Variants in CELF2 observed in about 807,000 individuals in gnomAD.
CELF2 encodes the protein CUG triplet repeat RNA-binding protein 2.
CELF2 carries 8 observed loss-of-function variants against 62.6 expected under a neutral mutation model. That is an observed-to-expected ratio of 0.13 (90% CI 0.07 to 0.23). The LOEUF (loss-of-function observed/expected upper bound fraction) is 0.23. Ranked by LOEUF, CELF2 falls within the 10% of genes least tolerant of loss-of-function variation. The pLI, the probability that CELF2 is intolerant of heterozygous loss-of-function variation, is 1.00. For missense variants in CELF2, 333 were observed against 671.0 expected, an observed-to-expected ratio of 0.50 and a Z score of 5.56; for synonymous variants, 258 against 250.0, an observed-to-expected ratio of 1.03 and a Z score of -0.30.
At chr10:11,102,742 C>T (rs1271603378) in intron 1 of CELF2, among the ~76,000 whole-genome samples, 1 of 151,842 alleles carries the variant, frequency 6.6e-6, no homozygotes, top group Non-Finnish European at 1.5e-5. Flanking sequence ...TAAAATGGAG[C>T]TCATTTCCCC....
Position 11,165,121 on chromosome 10 carries a change from G to T in CELF2, c.75-365G>T. 1 of 1,038,034 alleles carries T rather than the reference G, an allele frequency of 9.6e-7. No homozygotes were observed. Among genetic ancestry groups the T allele is most frequent in the Non-Finnish European group, 1.2e-6 (1 of 862,148 alleles). The allele number at this position is 1,038,034 out of a possible 1,614,324, so 64.3% of individuals were successfully genotyped here. On this transcript the variant is annotated intron_variant, in intron 1 of 12. Transcript: ENST00000633077. The surrounding 1 kb of genome is among the most constrained non-coding windows in gnomAD (Gnocchi z 7.4). ...CCTTTCTTTCCCAGCCACAGCCAGG[G>T]TAGGGCTGATAAGGCGCTGATGCGT...
chr10:10,716,747 G>A, the CELF2 span, among the ~76,000 whole-genome samples: 1 of 152,266 alleles, frequency 6.6e-6, no homozygotes, highest in African/African-American at 2.4e-5. Context: ...TTCAACACAA[G>A]CACTGGCAAC....
chr10:11,133,007 C>A (rs1377921277), intron 1 of CELF2, among the ~76,000 whole-genome samples: 2 of 152,158 alleles, frequency 1.3e-5, no homozygotes, highest in Admixed American at 6.5e-5. Context: ...CAAATTGAGT[C>A]ATGAAAATTC....
At chr10:10,644,464 T>A in the CELF2 span, among the ~76,000 whole-genome samples, 1 of 151,936 alleles carries the variant, frequency 6.6e-6, no homozygotes, top group Non-Finnish European at 1.5e-5. Flanking sequence ...GACAGAGTAG[T>A]GTCAGCTTGA....
the CELF2 span, among the ~76,000 whole-genome samples, chr10:10,696,990 G>A: frequency 6.6e-6 from 1 of 152,128 alleles, no homozygotes; most frequent in Non-Finnish European, 1.5e-5. Context: ...TTCCTATTCG[G>A]CCATCTTGCG....
intron 1 of CELF2, among the ~76,000 whole-genome samples, chr10:11,130,192 T>G (rs573331698): frequency 5.9e-5 from 9 of 152,148 alleles, no homozygotes; most frequent in African/African-American, 2.2e-4. Context: ...TTTGAGTGAG[T>G]TTCTTAATCC....
At chr10:10,786,108 C>G in the CELF2 span, among the ~76,000 whole-genome samples, 1 of 152,074 alleles carries the variant, frequency 6.6e-6, no homozygotes, top group Non-Finnish European at 1.5e-5. Flanking sequence ...AAGGTCTAGG[C>G]CAAGGTGGAA....
At chr10:10,852,608 A>G (rs953272283) in intron 1 of CELF2, among the ~76,000 whole-genome samples, 22 of 152,214 alleles carry the variant, frequency 1.4e-4, no homozygotes, top group Non-Finnish European at 2.5e-4. Flanking sequence ...GAAAGCATAC[A>G]AAACTGGGGA....
chr10:11,116,367 A>T (rs1183095927), intron 1 of CELF2, among the ~76,000 whole-genome samples: 1 of 152,238 alleles, frequency 6.6e-6, no homozygotes, highest in Admixed American at 6.5e-5. Context: ...CATGTTTACA[A>T]ACTTAACATG....
intron 7 of CELF2, among the ~76,000 whole-genome samples, chr10:11,271,985 G>A (rs971348543): frequency 6.6e-5 from 10 of 152,170 alleles, no homozygotes; most frequent in African/African-American, 2.4e-4. Context: ...TGAGCCCTGC[G>A]TGTCCCGCCG....
chr10:11,305,326 T>C lies in CELF2; in HGVS notation c.977-8813T>C, dbSNP rs1230975863. Among the ~76,000 whole-genome samples the C allele has an allele frequency of 2.6e-5, 4 of 152,250 alleles. No homozygotes were observed. Among genetic ancestry groups the C allele is most frequent in the African/African-American group, 4.8e-5 (2 of 41,464 alleles). ...CTGTATCCCTAAGTGGCAAAGGCCATTGGCCTCCTTGTGGAGTCCTCATGC... is the reference window on the plus strand; with the variant it reads ...CTGTATCCCTAAGTGGCAAAGGCCACTGGCCTCCTTGTGGAGTCCTCATGC... On this transcript the variant is annotated intron_variant, in intron 9 of 12. Transcript: ENST00000633077. The surrounding 1 kb of genome is among the most constrained non-coding windows in gnomAD (Gnocchi z 4.8).
At chr10:10,813,058 A>T (rs111533910) in intron 1 of CELF2, among the ~76,000 whole-genome samples, 1,701 of 152,310 alleles carry the variant, frequency 0.011, 34 homozygotes, top group African/African-American at 0.039. Context: ...TCCATCTCCT[A>T]TACTGCCCAG....
At chr10:10,825,517 G>T (rs755352280) in intron 1 of CELF2, among the ~76,000 whole-genome samples, 6 of 152,132 alleles carry the variant, frequency 3.9e-5, no homozygotes, top group Admixed American at 6.5e-5. Flanking sequence ...GCTGGATACC[G>T]ATGTTTTAAG....
In CELF2 at chr10:10,931,498, C is replaced by A. The variant is rs138880751; in HGVS notation, c.89+11499C>A. Among the ~76,000 whole-genome samples, 782 of 152,172 alleles carry A rather than the reference C, an allele frequency of 5.1e-3. 30 individuals are homozygous for A. The highest frequency in any genetic ancestry group is 0.048 in the Admixed American group (732 of 15,256). On this transcript the variant is annotated intron_variant, in intron 2 of 13. Coordinates refer to the CELF2 transcript ENST00000636488. The surrounding 1 kb of genome is among the most constrained non-coding windows in gnomAD (Gnocchi z 6.1). ...ACCACCACAGTTATAGCATTTGAGA[C>A]CCTCCCTCACCCAGATCCCAACCTG... is the stretch of plus-strand genomic sequence containing the variant.
the CELF2 span, among the ~76,000 whole-genome samples, chr10:10,786,457 G>A: frequency 2.0e-5 from 3 of 146,490 alleles, no homozygotes; most frequent in East Asian, 2.1e-4. Flanking sequence ...GAAATCTTGC[G>A]TCACACCTTG....
At chr10:10,719,519 GC>G in the CELF2 span, among the ~76,000 whole-genome samples, 1 of 151,952 alleles carries the variant, frequency 6.6e-6, no homozygotes, top group Non-Finnish European at 1.5e-5. Flanking sequence ...TCCCACCTAG[GC>G]CCCCCAAAGC....
intron 3 of CELF2, among the ~76,000 whole-genome samples, chr10:11,221,259 G>A (rs905377576): frequency 2.0e-5 from 3 of 152,200 alleles, no homozygotes; most frequent in Admixed American, 1.3e-4. Context: ...ATCCCTTCTT[G>A]AGGGTTTTAT....
At chr10:10,927,924 G>A (rs546375602) in intron 2 of CELF2, among the ~76,000 whole-genome samples, 2 of 152,052 alleles carry the variant, frequency 1.3e-5, no homozygotes, top group South Asian at 2.1e-4. Flanking sequence ...TCATGTAAGA[G>A]TTTCCTATTG....
At chr10:11,288,221 T>G (rs11257049) in intron 8 of CELF2, among the ~76,000 whole-genome samples, 197 bp from the exon 9 acceptor site, 1 of 152,088 alleles carries the variant, frequency 6.6e-6, no homozygotes, top group Non-Finnish European at 1.5e-5. Flanking sequence ...GGAAGAGCAA[T>G]TGCATCAGAG....
Sources: allele counts gnomAD v4.1 joint callset (sites outside exome capture counted in the v4.1 genomes callset), GRCh38; gene constraint gnomAD v4.1.1; non-coding constraint Gnocchi (gnomAD v3.1); transcripts MANE v1.5; gene names NCBI Gene and HGNC (gene_info 2026-07-23, HGNC 2026-07-21).